Variants in SPATA16 observed in about 807,000 individuals in gnomAD.
SPATA16 encodes spermatogenesis associated 16.
SPATA16 carries 36 observed loss-of-function variants against 63.3 expected under a neutral mutation model. That is an observed-to-expected ratio of 0.57 (90% CI 0.44 to 0.75). SPATA16 has a LOEUF of 0.75. Among genes scored for constraint, SPATA16 ranks in the 30% least tolerant of loss-of-function variants. The pLI, the probability that SPATA16 is intolerant of heterozygous loss-of-function variation, is 0.00. For synonymous variants in SPATA16, 203 were observed against 216.7 expected, an observed-to-expected ratio of 0.94 and a Z score of 0.56; for missense variants, 646 against 679.3, an observed-to-expected ratio of 0.95 and a Z score of 0.54.
intron 10 of SPATA16, among the ~76,000 whole-genome samples, chr3:172,906,017 A>T (rs1023173229): frequency 5.9e-5 from 9 of 152,234 alleles, no homozygotes; most frequent in Non-Finnish European, 1.3e-4. Flanking sequence ...GATCTTCTCA[A>T]TGCCAGGTTT....
intron 3 of SPATA16, among the ~76,000 whole-genome samples, chr3:173,041,480 T>C (rs1231761014): frequency 6.6e-6 from 1 of 152,138 alleles, no homozygotes; most frequent in Non-Finnish European, 1.5e-5. Context: ...ACCACCCATA[T>C]GTTTTCCCAA....
intron 4 of SPATA16, among the ~76,000 whole-genome samples, chr3:172,980,051 C>T (rs1252161623): frequency 6.6e-6 from 1 of 152,166 alleles, no homozygotes; most frequent in Non-Finnish European, 1.5e-5. Flanking sequence ...TACCTGCCTT[C>T]CTTTGTCTGG....
intron 2 of SPATA16, among the ~76,000 whole-genome samples, chr3:173,077,628 C>T (rs947036449): frequency 4.6e-5 from 7 of 152,132 alleles, no homozygotes; most frequent in South Asian, 2.1e-4. Flanking sequence ...AATGTGAGAA[C>T]GGGTGATAAC....
chr3:172,949,326 A>T (rs1199771146), intron 6 of SPATA16, among the ~76,000 whole-genome samples: 1 of 152,200 alleles, frequency 6.6e-6, no homozygotes, highest in Non-Finnish European at 1.5e-5. Flanking sequence ...AGAAAATGCT[A>T]ATGCTCGTAA....
intron 2 of SPATA16, among the ~76,000 whole-genome samples, chr3:173,099,257 T>TGA (rs915573106): frequency 4.3e-5 from 6 of 140,000 alleles, no homozygotes; most frequent in African/African-American, 1.0e-4. Flanking sequence ...AGAGAGAGAG[T>TGA]GAGAGAGAGA....
chr3:172,975,494 T>C (rs1246745177), intron 5 of SPATA16, among the ~76,000 whole-genome samples: 1 of 151,792 alleles, frequency 6.6e-6, no homozygotes, highest in African/African-American at 2.4e-5. Flanking sequence ...TAAAAGCCTC[T>C]GAAATCCTTA....
chr3:172,912,580 C>T (rs933297186), intron 10 of SPATA16, among the ~76,000 whole-genome samples: 3 of 151,868 alleles, frequency 2.0e-5, no homozygotes, highest in African/African-American at 7.3e-5. Context: ...TCAGCCAATT[C>T]GACATGAAGA....
At chr3:172,962,833 A>G (rs997941388) in intron 5 of SPATA16, among the ~76,000 whole-genome samples, 1 of 152,130 alleles carries the variant, frequency 6.6e-6, no homozygotes, top group African/African-American at 2.4e-5. Flanking sequence ...TAATAATGCA[A>G]TTTTAAATGA....
At chr3:172,957,263 A>G (rs1733620627) in intron 5 of SPATA16, among the ~76,000 whole-genome samples, 1 of 152,166 alleles carries the variant, frequency 6.6e-6, no homozygotes, top group African/African-American at 2.4e-5. Flanking sequence ...CAAACTAGAC[A>G]GACGGTATTT....
chr3:172,911,423 CT>C (rs1443597782), intron 10 of SPATA16, among the ~76,000 whole-genome samples: 1 of 152,188 alleles, frequency 6.6e-6, no homozygotes, highest in Non-Finnish European at 1.5e-5. Flanking sequence ...ATTCCAACTT[CT>C]CTTTGATTCC....
At chr3:173,127,125 C>T (rs1051325241) in intron 1 of SPATA16, among the ~76,000 whole-genome samples, 1 of 152,084 alleles carries the variant, frequency 6.6e-6, no homozygotes, top group African/African-American at 2.4e-5. Context: ...TGTGCTTTAC[C>T]AATTTTAAAC....
At chr3:173,089,754 G>C (rs893586572) in intron 2 of SPATA16, among the ~76,000 whole-genome samples, 1 of 152,072 alleles carries the variant, frequency 6.6e-6, no homozygotes, top group Non-Finnish European at 1.5e-5. Flanking sequence ...TGAAGGAAGG[G>C]ATTGGAACAC....
intron 4 of SPATA16, among the ~76,000 whole-genome samples, chr3:172,999,117 A>G (rs1166507978): frequency 1.3e-5 from 2 of 152,080 alleles, no homozygotes; most frequent in Non-Finnish European, 2.9e-5. Flanking sequence ...AAATTTGTAT[A>G]ATTTCTTCCT....
intron 2 of SPATA16, among the ~76,000 whole-genome samples, chr3:173,056,334 T>A (rs2108297815): frequency 6.6e-6 from 1 of 152,358 alleles, no homozygotes; most frequent in South Asian, 2.1e-4. Context: ...TATTTACAAG[T>A]AATTTTTTTC....
intron 3 of SPATA16, among the ~76,000 whole-genome samples, chr3:173,037,036 C>T (rs752025715): frequency 6.6e-5 from 10 of 151,762 alleles, no homozygotes; most frequent in East Asian, 1.9e-4. Flanking sequence ...AATGTAACGA[C>T]GTTAAAATAT....
At chr3:173,085,744 A>G (rs572494512) in intron 2 of SPATA16, among the ~76,000 whole-genome samples, 1 of 152,296 alleles carries the variant, frequency 6.6e-6, no homozygotes, top group South Asian at 2.1e-4. Flanking sequence ...AATTTTATTG[A>G]ATACCTTTTC....
intron 4 of SPATA16, among the ~76,000 whole-genome samples, chr3:173,006,582 T>C (rs189693909): frequency 2.2e-4 from 34 of 152,352 alleles, no homozygotes; most frequent in Admixed American, 1.8e-3. Flanking sequence ...AGTCTACCTG[T>C]GAGAATATTC....
intron 5 of SPATA16, among the ~76,000 whole-genome samples, chr3:172,961,069 TCTTCCTTCCTTCCTTCCTTC>T (rs770794784): frequency 6.9e-5 from 5 of 72,384 alleles, no homozygotes; most frequent in East Asian, 3.8e-4. Context: ...CTTTCTTCTT[TCTTCCTTCCTTCCTTCCTTC>T]CTTCCTTCCT....
intron 8 of SPATA16, among the ~76,000 whole-genome samples, chr3:172,922,906 G>A (rs1210050044): frequency 5.9e-5 from 9 of 151,890 alleles, no homozygotes; most frequent in Admixed American, 5.9e-4. Context: ...CGGGTGACAG[G>A]GTGAGACTCT....
Sources: allele counts gnomAD v4.1 joint callset (sites outside exome capture counted in the v4.1 genomes callset), GRCh38; gene constraint gnomAD v4.1.1; transcripts MANE v1.5; gene names NCBI Gene and HGNC (gene_info 2026-07-23, HGNC 2026-07-21).